RIC8B: variants seen among roughly 807,000 people sequenced by gnomAD.
RIC8B encodes chaperone Ric-8B.
Under a neutral mutation model 57.5 loss-of-function variants are expected in RIC8B, and 16 were observed. That is an observed-to-expected ratio of 0.28 (90% CI 0.19 to 0.42). The LOEUF is 0.42. RIC8B is among the 10% of genes least tolerant of loss of function. RIC8B has a pLI of 1.00. For missense variants in RIC8B, 481 were observed against 677.0 expected, an observed-to-expected ratio of 0.71 and a Z score of 3.21; for synonymous variants, 216 against 250.8, an observed-to-expected ratio of 0.86 and a Z score of 1.31.
intron 3 of RIC8B, chr12:106,823,191 G>GGAGGAAACAAACTTGCATACTTGCA (rs1391607168): frequency 7.6e-6 from 2 of 262,916 alleles, no homozygotes; most frequent in Non-Finnish European, 1.5e-5. Context: ...GAAACAAAGT[G>GGAGGAAACAAACTTGCATACTTGCA]TATGCAAGTA....
At position 106,806,043 on chromosome 12, in the gene RIC8B, G is replaced by A. The variant is rs529366847; in HGVS notation, c.133-8653G>A. On this transcript the variant is annotated intron_variant, in intron 2 of 9. Coordinates refer to ENST00000392837, the MANE Select transcript of RIC8B (RefSeq NM_001330145.2). ...CGGCTCACAGCAAACTCCACCTCCC[G>A]GGTTCAAGCGACTCTTCTGCCTCAG... 2.4e-4 allele frequency among the ~76,000 whole-genome samples: 36 copies of A among 152,190 alleles called. 1 individual carries two copies. In the South Asian group the frequency reaches 6.2e-3, roughly 26 times the overall value.
chr12:106,780,514 G>A (rs566972626), intron 1 of RIC8B, among the ~76,000 whole-genome samples: 1 of 152,270 alleles, frequency 6.6e-6, no homozygotes, highest in African/African-American at 2.4e-5. Context: ...AAATATCCAG[G>A]ACCATGTAAG....
intron 6 of RIC8B, among the ~76,000 whole-genome samples, chr12:106,849,597 G>C (rs569181677): frequency 6.6e-6 from 1 of 151,822 alleles, no homozygotes; most frequent in East Asian, 1.9e-4. Flanking sequence ...ATTTTAACAA[G>C]ATCCCCAGGT....
chr12:106,796,792 A>G (rs1242231314), intron 2 of RIC8B, among the ~76,000 whole-genome samples: 1 of 152,234 alleles, frequency 6.6e-6, no homozygotes, highest in East Asian at 1.9e-4. Flanking sequence ...TGCAGATCCT[A>G]TGTCTGATAA....
intron 3 of RIC8B, 124 bp downstream of exon 3, chr12:106,815,428 C>A: frequency 2.1e-6 from 2 of 931,958 alleles, no homozygotes; most frequent in Non-Finnish European, 3.2e-6. Flanking sequence ...TCCCATTAAG[C>A]AATTGTATTA....
At chr12:106,819,045 G>T (rs1160019382) in intron 3 of RIC8B, among the ~76,000 whole-genome samples, 3 of 152,186 alleles carry the variant, frequency 2.0e-5, no homozygotes, top group Non-Finnish European at 4.4e-5. Context: ...GATTACAAGT[G>T]TCAGCCACTG....
At chr12:106,837,790 C>T (rs552844517) in intron 4 of RIC8B, among the ~76,000 whole-genome samples, 11 of 151,940 alleles carry the variant, frequency 7.2e-5, no homozygotes, top group South Asian at 2.1e-4. Flanking sequence ...TACAGGCACG[C>T]GCCAGCATGC....
At chr12:106,829,215 A>G (rs938684914) in intron 4 of RIC8B, among the ~76,000 whole-genome samples, 11 of 152,198 alleles carry the variant, frequency 7.2e-5, no homozygotes, top group Admixed American at 1.3e-4. Context: ...GCTCCACTGA[A>G]GGACATCCTA....
At chr12:106,795,640 CAA>C in intron 2 of RIC8B, among the ~76,000 whole-genome samples, 1 of 152,136 alleles carries the variant, frequency 6.6e-6, no homozygotes, top group African/African-American at 2.4e-5. Context: ...ATGTGGCTGA[CAA>C]AGAGAAGGGA....
chr12:106,858,167 CTT>C lies in RIC8B; in HGVS notation c.1307-2098_1307-2097del, dbSNP rs535733051. 1.2e-3 allele frequency among the ~76,000 whole-genome samples: 185 copies of C among 152,178 alleles called. 1 individual carries two copies. Among genetic ancestry groups the C allele is most frequent in the Non-Finnish European group, 2.4e-3 (162 of 67,966 alleles). ...TTCATAACCTTTGCATTTTTAAACT[CTT>C]TTAATTTTTCGCCATTTTGTGTCTT... On this transcript the variant is annotated intron_variant, in intron 7 of 9. Coordinates refer to ENST00000392837, the MANE Select transcript of RIC8B (RefSeq NM_001330145.2).
At chr12:106,793,758 G>A (rs2044357298) in intron 2 of RIC8B, among the ~76,000 whole-genome samples, 1 of 152,210 alleles carries the variant, frequency 6.6e-6, no homozygotes, top group African/African-American at 2.4e-5. Flanking sequence ...CCTATAAGGT[G>A]CAACATTAGG....
At chr12:106,870,611 T>C (rs1950361971) in intron 8 of RIC8B, among the ~76,000 whole-genome samples, 1 of 152,152 alleles carries the variant, frequency 6.6e-6, no homozygotes, top group African/African-American at 2.4e-5. Flanking sequence ...GTTTTCGTTT[T>C]TTAAAAAAAG....
intron 3 of RIC8B, among the ~76,000 whole-genome samples, chr12:106,815,621 G>T (rs777341790): frequency 2.6e-5 from 4 of 152,194 alleles, no homozygotes; most frequent in Non-Finnish European, 5.9e-5. Context: ...TATAAGATTT[G>T]AGGGGAAACA....
chr12:106,823,972 C>T (rs1443744552), intron 3 of RIC8B, among the ~76,000 whole-genome samples: 1 of 152,190 alleles, frequency 6.6e-6, no homozygotes, highest in African/African-American at 2.4e-5. Flanking sequence ...AGGCATGAAC[C>T]ACGGCACCCG....
At chr12:106,785,501 C>G (rs1487579822) in intron 2 of RIC8B, among the ~76,000 whole-genome samples, 1 of 152,144 alleles carries the variant, frequency 6.6e-6, no homozygotes, top group Non-Finnish European at 1.5e-5. Flanking sequence ...ACACTGGTAT[C>G]TTTATACACT....
chr12:106,874,681 C>T (rs1950588123), intron 9 of RIC8B: 1 of 741,518 alleles, frequency 1.3e-6, no homozygotes, highest in Admixed American at 2.4e-5. Flanking sequence ...ATTTTGCCTC[C>T]ATGCTGGACA....
chr12:106,889,082 T>C lies in RIC8B; in HGVS notation c.*3067T>C, dbSNP rs940777859. On this transcript the variant is annotated 3_prime_UTR_variant, in exon 10 of 10. Transcript: ENST00000392837. Reference sequence around the variant, plus strand: ...TGATTATAAAAGTAATATATGTTCATTGTGGAAAGTTTGGAAAATGCAGAA... The same window carrying C: ...TGATTATAAAAGTAATATATGTTCACTGTGGAAAGTTTGGAAAATGCAGAA... 6.6e-6 allele frequency: 1 copy of C among 152,144 alleles called. No individual in the cohort carries two copies. The highest frequency in any genetic ancestry group is 6.5e-5 in the Admixed American group (1 of 15,272). The allele number at this position is 152,144 out of a possible 1,614,324, so 9.4% of individuals were successfully genotyped here.
intron 9 of RIC8B, among the ~76,000 whole-genome samples, chr12:106,877,010 A>G (rs1481976310): frequency 3.9e-5 from 6 of 152,120 alleles, no homozygotes; most frequent in Admixed American, 3.9e-4. Flanking sequence ...TTATTCTTCT[A>G]GTACTATACC....
chr12:106,879,377 C>T lies in RIC8B; in HGVS notation c.1572-6527C>T, dbSNP rs1184516712. 3 of 985,110 alleles carry T rather than the reference C, an allele frequency of 3.0e-6. No homozygotes were observed. Among genetic ancestry groups the T allele is most frequent in the African/African-American group, 1.7e-5 (1 of 57,158 alleles). 61.0% of individuals were successfully genotyped at this position (985,110 alleles called of 1,614,324 possible). On this transcript the variant is annotated intron_variant, in intron 9 of 9. Transcript: ENST00000392837. The surrounding 1 kb of genome is among the most constrained non-coding windows in gnomAD (Gnocchi z 4.9). ...TGTTAGTATCTGAACCCCAATTTTGCACTGTCATTTTTGGGGGAAAGAGTC... is the reference window on the plus strand; with the variant it reads ...TGTTAGTATCTGAACCCCAATTTTGTACTGTCATTTTTGGGGGAAAGAGTC...
Sources: allele counts gnomAD v4.1 joint callset (sites outside exome capture counted in the v4.1 genomes callset), GRCh38; gene constraint gnomAD v4.1.1; non-coding constraint Gnocchi (gnomAD v3.1); transcripts MANE v1.5; gene names NCBI Gene and HGNC (gene_info 2026-07-23, HGNC 2026-07-21).